Variants in PDZD8 observed in about 807,000 individuals in gnomAD.
PDZD8 encodes the protein PDZ domain-containing protein 8.
PDZD8 carries 14 observed loss-of-function variants against 85.8 expected under a neutral mutation model. That is an observed-to-expected ratio of 0.16 (90% CI 0.11 to 0.26). The LOEUF is 0.26. Ranked by LOEUF, PDZD8 falls within the 10% of genes least tolerant of loss-of-function variation. PDZD8 has a pLI of 1.00. For synonymous variants in PDZD8, 592 were observed against 568.6 expected (o/e 1.04, Z -0.59); for missense variants, 1,197 against 1,424.3 (o/e 0.84, Z 2.57).
intron 1 of PDZD8, among the ~76,000 whole-genome samples, chr10:117,353,452 G>A (rs1373811903): frequency 6.6e-6 from 1 of 151,974 alleles, no homozygotes; most frequent in Non-Finnish European, 1.5e-5. Flanking sequence ...AAAGATCAAC[G>A]AATCTCTCTC....
chr10:117,295,154 A>G (rs1168131301), intron 3 of PDZD8, among the ~76,000 whole-genome samples: 2 of 152,114 alleles, frequency 1.3e-5, no homozygotes, highest in African/African-American at 2.4e-5. Flanking sequence ...TCAAAAACAA[A>G]AAAAACCCAC....
intron 1 of PDZD8, among the ~76,000 whole-genome samples, chr10:117,353,842 T>C (rs1362686384): frequency 1.3e-5 from 2 of 152,080 alleles, no homozygotes; most frequent in African/African-American, 2.4e-5. Context: ...ATTAGAAAAA[T>C]TGTTCTGTAT....
At chr10:117,312,837 C>T (rs1564696145) in intron 3 of PDZD8, among the ~76,000 whole-genome samples, 1 of 152,130 alleles carries the variant, frequency 6.6e-6, no homozygotes, top group Non-Finnish European at 1.5e-5. Flanking sequence ...CTCGCCCTAT[C>T]CAGTTCTGTT....
At chr10:117,285,817 G>A (rs868418574) in intron 4 of PDZD8, 3 of 872,266 alleles carry the variant, frequency 3.4e-6, no homozygotes, top group African/African-American at 3.6e-5. Flanking sequence ...AGTGAACAGA[G>A]AGAGATCTAT....
intron 2 of PDZD8, among the ~76,000 whole-genome samples, chr10:117,334,544 T>C (rs1844482742): frequency 6.6e-6 from 1 of 151,862 alleles, no homozygotes; most frequent in Non-Finnish European, 1.5e-5. Flanking sequence ...CCTAATGTGC[T>C]CAGATACTAG....
rs1844595645 is a variant in PDZD8, at chr10:117,283,197, C to T, written c.*71G>A. On this transcript the variant is annotated 3_prime_UTR_variant, in exon 5 of 5. Transcript: ENST00000334464. ...GCCAGAGTGCATACGAGGATTTAAA[C>T]ATGGTTGTATCTGTGGTACTTTAGA... The T allele has an allele frequency of 1.4e-6, 2 of 1,440,806 alleles. No homozygotes were observed. The highest frequency in any genetic ancestry group is 1.9e-6 in the Non-Finnish European group (2 of 1,067,688). The allele number at this position is 1,440,806 out of a possible 1,614,324, so 89.3% of individuals were successfully genotyped here.
chr10:117,337,581 AC>A (rs1253027695), intron 2 of PDZD8, among the ~76,000 whole-genome samples: 10 of 152,190 alleles, frequency 6.6e-5, no homozygotes, highest in African/African-American at 1.7e-4. Flanking sequence ...ACAATATGAG[AC>A]CTTTTTAAAT....
intron 2 of PDZD8, among the ~76,000 whole-genome samples, chr10:117,319,756 G>A (rs1191403431): frequency 1.3e-5 from 2 of 151,914 alleles, no homozygotes; most frequent in East Asian, 1.9e-4. Flanking sequence ...GAAGAAAAAA[G>A]GTTACTCATG....
intron 3 of PDZD8, among the ~76,000 whole-genome samples, chr10:117,307,586 C>T (rs1349641607): frequency 6.6e-6 from 1 of 151,884 alleles, no homozygotes; most frequent in Non-Finnish European, 1.5e-5. Flanking sequence ...ATAAAACATC[C>T]TTATCTCTTC....
At position 117,375,001 on chromosome 10, in the gene PDZD8, C is replaced by T; in HGVS notation, c.227G>A (p.Gly76Asp). Residue 76 changes from glycine (G) to aspartate (D), a missense_variant, in exon 1 of 5, where the codon GGC becomes GAC. By Grantham distance (94) the Gly-to-Asp change is moderately conservative. Coordinates refer to ENST00000334464, the MANE Select transcript of PDZD8 (RefSeq NM_173791.5). ...DEEPSGAAPE[G>D]GATPTAAPET... The stretch of plus-strand genomic sequence containing the variant: ...GGGGGCCGCGGTGGGGGTCGCGCCG[C>T]CCTCAGGGGCCGCTCCGGAGGGCTC... The T allele has an allele frequency of 6.3e-7, 1 of 1,588,738 alleles. No individual in the cohort carries two copies. The highest frequency in any genetic ancestry group is 1.7e-4 in the Middle Eastern group (1 of 5,888).
chr10:117,310,760 G>A (rs1844023505), intron 3 of PDZD8, among the ~76,000 whole-genome samples: 1 of 152,032 alleles, frequency 6.6e-6, no homozygotes, highest in Admixed American at 6.6e-5. Context: ...GGCTTTATTT[G>A]CTTTAATCTT....
chr10:117,371,223 C>G (rs1379317560), intron 1 of PDZD8, among the ~76,000 whole-genome samples: 3 of 152,162 alleles, frequency 2.0e-5, no homozygotes, highest in Non-Finnish European at 4.4e-5. Flanking sequence ...CTCACCCTGT[C>G]GCCCAGGCTG....
intron 2 of PDZD8, among the ~76,000 whole-genome samples, chr10:117,328,065 C>T (rs1006286202): frequency 1.3e-5 from 2 of 152,020 alleles, no homozygotes; most frequent in African/African-American, 4.8e-5. Context: ...TGTTTTGCTC[C>T]AAAACTTATT....
chr10:117,295,771 A>G (rs1843745759), intron 3 of PDZD8, among the ~76,000 whole-genome samples: 2 of 152,206 alleles, frequency 1.3e-5, no homozygotes, highest in South Asian at 4.1e-4. Flanking sequence ...ATACTGCAAA[A>G]AAATTAACAA....
intron 2 of PDZD8, among the ~76,000 whole-genome samples, chr10:117,339,432 A>G (rs901789066): frequency 5.9e-5 from 9 of 152,228 alleles, no homozygotes; most frequent in Non-Finnish European, 8.8e-5. Context: ...AAGGGGGCCA[A>G]GAAAGCAGCA....
In PDZD8 at chr10:117,374,442, C is replaced by T; in HGVS notation, c.786G>A (p.Arg262=). Residue 262 remains arginine (R), a synonymous_variant, in exon 1 of 5, where the codon CGG becomes CGA. Coordinates refer to ENST00000334464, the MANE Select transcript of PDZD8 (RefSeq NM_173791.5). This position sits in a 1 kb window ranked among gnomAD's most constrained non-coding sequence, Gnocchi z 7.8. Reference sequence around the variant, plus strand: ...TGATGGAGGTGAGCTGGGGCATGGGCCGCCCTTCAAACTGGGAGCGCACCT... The same window carrying T: ...TGATGGAGGTGAGCTGGGGCATGGGTCGCCCTTCAAACTGGGAGCGCACCT... ...DFEVRSQFEG[R]PMPQLTSIIV... is the part of the protein sequence containing the mutation. 1 of 1,614,224 alleles carries T rather than the reference C, an allele frequency of 6.2e-7. No homozygotes were observed. The highest frequency in any genetic ancestry group is 8.5e-7 in the Non-Finnish European group (1 of 1,180,036).
chr10:117,324,362 T>G (rs906728682), intron 2 of PDZD8, among the ~76,000 whole-genome samples: 1 of 152,016 alleles, frequency 6.6e-6, no homozygotes, highest in Non-Finnish European at 1.5e-5. Flanking sequence ...CCTAGAAATC[T>G]AATAGTTATC....
At chr10:117,307,494 T>C (rs2803807) in intron 3 of PDZD8, among the ~76,000 whole-genome samples, 116,738 of 151,882 alleles carry the variant, frequency 0.77, 45,523 homozygotes, top group Non-Finnish European at 0.85. Flanking sequence ...AAAAAAGTCA[T>C]CTGTCCATAC....
chr10:117,367,409 AAAACAAAC>A (rs147491441), intron 1 of PDZD8, among the ~76,000 whole-genome samples: 5 of 151,220 alleles, frequency 3.3e-5, no homozygotes, highest in South Asian at 2.1e-4. Flanking sequence ...ACTCCGTCTC[AAAACAAAC>A]AAACAAACAA....
Sources: allele counts gnomAD v4.1 joint callset (sites outside exome capture counted in the v4.1 genomes callset), GRCh38; gene constraint gnomAD v4.1.1; non-coding constraint Gnocchi (gnomAD v3.1); transcripts MANE v1.5; gene names NCBI Gene and HGNC (gene_info 2026-07-23, HGNC 2026-07-21).